Variants in DSCAM observed in about 807,000 individuals in gnomAD.
DSCAM encodes cell adhesion molecule DSCAM.
DSCAM carries 47 observed loss-of-function variants against 217.7 expected under a neutral mutation model. That is an observed-to-expected ratio of 0.22 (90% CI 0.17 to 0.28). The LOEUF is 0.28. DSCAM is among the 10% of genes least tolerant of loss of function. DSCAM has a pLI of 1.00. For synonymous variants in DSCAM, 1,056 were observed against 1,015.3 expected (o/e 1.04, Z -0.76); for missense variants, 2,080 against 2,618.3 (o/e 0.79, Z 4.49).
intron 32 of DSCAM, among the ~76,000 whole-genome samples, chr21:40,038,984 A>G (rs1420688611): frequency 8.4e-5 from 11 of 130,638 alleles, no homozygotes; most frequent in Non-Finnish European, 3.1e-5. Flanking sequence ...ACATGGACAC[A>G]GGAAGGGGAA....
rs78843287 is a variant in DSCAM, at chr21:40,545,187, G to A, written c.508+147623C>T. On this transcript the variant is annotated intron_variant, in intron 3 of 32. Coordinates refer to ENST00000400454, the MANE Select transcript of DSCAM (RefSeq NM_001389.5). ...ACAGTAAGAAGGCCACCATCTGAAAGCCACATGGACATCAGCAGACACAGC... is the reference window on the plus strand; with the variant it reads ...ACAGTAAGAAGGCCACCATCTGAAAACCACATGGACATCAGCAGACACAGC... Among the ~76,000 whole-genome samples, 1,362 of 152,236 alleles carry A rather than the reference G, an allele frequency of 8.9e-3. 14 individuals carry two copies. Among genetic ancestry groups the A allele is most frequent in the African/African-American group, 0.031 (1,293 of 41,530 alleles).
intron 16 of DSCAM, among the ~76,000 whole-genome samples, chr21:40,155,780 C>A (rs2090469623): frequency 6.6e-6 from 1 of 152,104 alleles, no homozygotes; most frequent in Non-Finnish European, 1.5e-5. Flanking sequence ...ACATCCACAT[C>A]CACCTCTCAC....
chr21:40,521,962 C>T (rs1220481170), intron 3 of DSCAM, among the ~76,000 whole-genome samples: 1 of 151,912 alleles, frequency 6.6e-6, no homozygotes, highest in African/African-American at 2.4e-5. Context: ...TACGTTGTGC[C>T]CCATAAATAG....
intron 3 of DSCAM, among the ~76,000 whole-genome samples, chr21:40,669,434 G>C (rs2090243019): frequency 6.6e-6 from 1 of 152,096 alleles, no homozygotes. Context: ...GTTCCTATGT[G>C]CCAGTTACTA....
chr21:40,571,364 T>C (rs1182222344), intron 3 of DSCAM, among the ~76,000 whole-genome samples: 11 of 152,198 alleles, frequency 7.2e-5, no homozygotes, highest in Non-Finnish European at 1.2e-4. Context: ...TCAATTACCT[T>C]GATTTGATCT....
At chr21:40,479,780 C>G (rs953134331) in intron 3 of DSCAM, among the ~76,000 whole-genome samples, 2 of 152,128 alleles carry the variant, frequency 1.3e-5, no homozygotes, top group Non-Finnish European at 2.9e-5. Flanking sequence ...ACATGGGATT[C>G]TCCACATGGA....
rs548605853 is a variant in DSCAM at position 40,376,218 on chromosome 21, G to A, written c.509-6973C>T. Among the ~76,000 whole-genome samples the A allele has an allele frequency of 1.2e-3, 176 of 152,114 alleles. 1 individual carries two copies. The highest frequency in any genetic ancestry group is 2.1e-3 in the Admixed American group (32 of 15,286). ...GAAGCTTTTCTCAGCTGCGCCTGCCGTCGCCAATTGATGGCCACACTGTGT... is the reference window on the plus strand; with the variant it reads ...GAAGCTTTTCTCAGCTGCGCCTGCCATCGCCAATTGATGGCCACACTGTGT... On this transcript the variant is annotated intron_variant, in intron 3 of 32. Transcript: ENST00000400454.
intron 3 of DSCAM, among the ~76,000 whole-genome samples, chr21:40,467,843 A>C (rs988504036): frequency 2.0e-5 from 3 of 151,342 alleles, no homozygotes; most frequent in African/African-American, 7.3e-5. Context: ...AAAATCACTA[A>C]GCCCAAGGGA....
chr21:40,076,611 G>A (rs1310343435), intron 26 of DSCAM, among the ~76,000 whole-genome samples: 1 of 152,102 alleles, frequency 6.6e-6, no homozygotes, highest in Non-Finnish European at 1.5e-5. Flanking sequence ...TCAAAATTTG[G>A]GATCTTGGAT....
intron 3 of DSCAM, among the ~76,000 whole-genome samples, chr21:40,516,433 T>C (rs1425279607): frequency 6.6e-6 from 1 of 152,092 alleles, no homozygotes; most frequent in African/African-American, 2.4e-5. Flanking sequence ...AGTTCCTGTT[T>C]CTTCCTCTTT....
chr21:40,823,160 C>T, intron 1 of DSCAM, among the ~76,000 whole-genome samples: 1 of 141,118 alleles, frequency 7.1e-6, no homozygotes, highest in South Asian at 2.5e-4. Context: ...CCCAGCACCG[C>T]CCCCCCAAAA....
intron 24 of DSCAM, 133 bp from the exon 25 acceptor site, chr21:40,080,473 G>T: frequency 1.3e-6 from 1 of 793,534 alleles, no homozygotes; most frequent in Non-Finnish European, 1.9e-6. Flanking sequence ...GAACATTTTC[G>T]CTCTTTCTGA....
chr21:40,304,969 C>G (rs2074056034), intron 9 of DSCAM, among the ~76,000 whole-genome samples: 1 of 152,048 alleles, frequency 6.6e-6, no homozygotes, highest in African/African-American at 2.4e-5. Context: ...CAAGAATTAC[C>G]AAAATGTGAC....
intron 26 of DSCAM, among the ~76,000 whole-genome samples, chr21:40,077,308 T>A (rs1449095822): frequency 6.6e-6 from 1 of 152,060 alleles, no homozygotes; most frequent in Non-Finnish European, 1.5e-5. Flanking sequence ...CAGAGAAGGA[T>A]GTTGTGGAAA....
chr21:40,382,357 T>C (rs1259928680), intron 3 of DSCAM, among the ~76,000 whole-genome samples: 4 of 152,088 alleles, frequency 2.6e-5, no homozygotes, highest in African/African-American at 9.7e-5. Context: ...ATTTTCAAAG[T>C]ATATCTTGTA....
At chr21:40,054,681 AG>A (rs1329689412) in intron 29 of DSCAM, among the ~76,000 whole-genome samples, 2 of 152,190 alleles carry the variant, frequency 1.3e-5, no homozygotes, top group African/African-American at 2.4e-5. Context: ...GGCACTCAAA[AG>A]CTTGGATAAC....
intron 9 of DSCAM, among the ~76,000 whole-genome samples, chr21:40,307,582 G>A (rs1212744280): frequency 6.6e-6 from 1 of 152,000 alleles, no homozygotes; most frequent in Admixed American, 6.6e-5. Context: ...CCCATTACTG[G>A]GTATATACCC....
intron 18 of DSCAM, among the ~76,000 whole-genome samples, chr21:40,136,614 A>G (rs974514812): frequency 1.3e-5 from 2 of 152,210 alleles, no homozygotes; most frequent in African/African-American, 4.8e-5. Context: ...TACACACGCA[A>G]TCAATAAAAA....
intron 2 of DSCAM, among the ~76,000 whole-genome samples, chr21:40,708,152 T>A (rs1169582699): frequency 6.6e-6 from 1 of 152,108 alleles, no homozygotes; most frequent in African/African-American, 2.4e-5. Context: ...GCAAACACAT[T>A]GGGTTTGAGA....
Sources: gnomAD v4.1 joint callset for allele counts (sites outside exome capture counted in the v4.1 genomes callset) on GRCh38, gnomAD v4.1.1 for gene constraint, MANE v1.5 for transcripts, NCBI Gene and HGNC (gene_info 2026-07-23, HGNC 2026-07-21) for gene names.